RIMKLB: variants seen among roughly 807,000 people sequenced by gnomAD.
RIMKLB encodes the protein beta-citrylglutamate synthase B.
In RIMKLB, 7 loss-of-function variants were observed where a neutral mutation model predicts 32.0. The observed-to-expected ratio is 0.22, with a 90% CI of 0.12 to 0.41. The LOEUF (loss-of-function observed/expected upper bound fraction) is 0.41, where lower values mean the gene tolerates loss of function less well. Among genes scored for constraint, RIMKLB ranks in the 10% least tolerant of loss-of-function variants. The pLI is 1.00. For missense variants in RIMKLB, 289 were observed against 498.7 expected (o/e 0.58, Z 4.00); for synonymous variants, 172 against 185.1 (o/e 0.93, Z 0.57).
At chr12:8,753,003 C>T (rs949262810) in intron 4 of RIMKLB, among the ~76,000 whole-genome samples, 2 of 152,200 alleles carry the variant, frequency 1.3e-5, no homozygotes, top group African/African-American at 4.8e-5. Flanking sequence ...GCCTCGGCCT[C>T]CCCAAGTGTT....
intron 2 of RIMKLB, among the ~76,000 whole-genome samples, chr12:8,744,367 T>G (rs1224937163): frequency 2.6e-5 from 4 of 151,938 alleles, no homozygotes; most frequent in Non-Finnish European, 5.9e-5. Context: ...ACTCCCATTT[T>G]CCGGTGGCAA....
Position 8,719,046 on chromosome 12 carries a change from C to T in RIMKLB, c.175+5005C>T, listed in dbSNP as rs754762722. Among the ~76,000 whole-genome samples the T allele has an allele frequency of 1.2e-4, 19 of 152,192 alleles. No individual in the cohort carries two copies. The South Asian group carries it at 3.7e-3, about 30-fold the overall frequency. ...TGTTCATTCCTTTCTCTTTCTCCCT[C>T]CTGTTCATCCTCCTCCTTCCCTCCC... is the stretch of plus-strand genomic sequence containing the variant. On this transcript the variant is annotated intron_variant, in intron 2 of 5. Transcript: ENST00000535829.
upstream of RIMKLB, among the ~76,000 whole-genome samples, chr12:8,678,620 G>A (rs1380503792): frequency 1.3e-5 from 2 of 152,162 alleles, no homozygotes; most frequent in African/African-American, 2.4e-5. Context: ...GAGCCACTGC[G>A]CCCAGTGGTC....
chr12:8,736,264 ATTTC>A (rs1425436620), intron 2 of RIMKLB, among the ~76,000 whole-genome samples: 1 of 152,108 alleles, frequency 6.6e-6, no homozygotes, highest in African/African-American at 2.4e-5. Context: ...AGGCTGGGTA[ATTTC>A]TTTCTCCAAG....
chr12:8,777,382 G>C, downstream of RIMKLB: 1 of 984,682 alleles, frequency 1.0e-6, no homozygotes, highest in Non-Finnish European at 1.2e-6. Context: ...AATGTTTTTA[G>C]TTTTGTTTTG....
chr12:8,750,923 C>A (rs1303856381), intron 3 of RIMKLB, among the ~76,000 whole-genome samples: 1 of 152,038 alleles, frequency 6.6e-6, no homozygotes, highest in Non-Finnish European at 1.5e-5. Flanking sequence ...AAATAAATAT[C>A]CAGTAGAGTG....
chr12:8,732,905 T>C (rs1393877226), intron 2 of RIMKLB, among the ~76,000 whole-genome samples: 2 of 152,232 alleles, frequency 1.3e-5, no homozygotes, highest in African/African-American at 4.8e-5. Flanking sequence ...CTTCCATTTT[T>C]AGTTGAGGTA....
chr12:8,686,668 G>A (rs1007696480), intron 1 of RIMKLB, among the ~76,000 whole-genome samples: 1 of 151,756 alleles, frequency 6.6e-6, no homozygotes, highest in Non-Finnish European at 1.5e-5. Context: ...ATTTTTAGTA[G>A]AGTCGGGGTT....
Position 8,774,159 on chromosome 12 carries a change from A to G in RIMKLB, c.*375A>G, listed in dbSNP as rs763626182. Reference sequence around the variant, plus strand: ...GTTTTGCTACAAATATCCAAGTAGCATAACTTCACATTGTGTTGGAAGATT... The same window carrying G: ...GTTTTGCTACAAATATCCAAGTAGCGTAACTTCACATTGTGTTGGAAGATT... On this transcript the variant is annotated 3_prime_UTR_variant, in exon 6 of 6. Coordinates refer to ENST00000535829, the MANE Select transcript of RIMKLB (RefSeq NM_001297776.2). The G allele has an allele frequency of 5.0e-6, 5 of 1,003,464 alleles. No homozygotes were observed. Among genetic ancestry groups the G allele is most frequent in the East Asian group, 9.9e-5 (1 of 10,062 alleles). The allele number at this position is 1,003,464 out of a possible 1,614,324, so 62.2% of individuals were successfully genotyped here. A position where few individuals can be genotyped will look rare whatever the true frequency, so the allele number is the denominator to read the frequency against.
upstream of RIMKLB, chr12:8,697,121 C>CT (rs949513836): frequency 2.0e-5 from 3 of 152,198 alleles, no homozygotes; most frequent in Admixed American, 6.5e-5. Context: ...GGACTGTACT[C>CT]TTTTATCTTT....
At position 8,774,779 on chromosome 12, in the gene RIMKLB, C is replaced by A. The variant is rs981706863; in HGVS notation, c.*995C>A. 23 of 985,176 alleles carry A rather than the reference C, an allele frequency of 2.3e-5. No individual in the cohort carries two copies. The South Asian group carries it at 5.6e-4, about 24-fold the overall frequency. 61.0% of individuals were successfully genotyped at this position (985,176 alleles called of 1,614,324 possible). ...GGACAAGGAAAAATATTTTTGGGGG[C>A]AAATCAAGAGCCTATGAGTTCTAAG... is the stretch of plus-strand genomic sequence containing the variant. On this transcript the variant is annotated 3_prime_UTR_variant, in exon 6 of 6. Coordinates refer to ENST00000535829, the MANE Select transcript of RIMKLB (RefSeq NM_001297776.2).
At chr12:8,700,471 A>G (rs1221195406) in intron 1 of RIMKLB, 1 of 152,378 alleles carries the variant, frequency 6.6e-6, no homozygotes, top group Non-Finnish European at 1.5e-5. Context: ...GTTGTTCCAC[A>G]CTTTGGGAAG....
chr12:8,770,416 C>T (rs1026304406), intron 5 of RIMKLB, among the ~76,000 whole-genome samples: 2 of 152,098 alleles, frequency 1.3e-5, no homozygotes, highest in Non-Finnish European at 2.9e-5. Flanking sequence ...GTTTCATGAA[C>T]CCTTATATAG....
chr12:8,698,960 C>CA (rs1943131910), intron 1 of RIMKLB, among the ~76,000 whole-genome samples: 5 of 151,728 alleles, frequency 3.3e-5, no homozygotes, highest in East Asian at 1.9e-4. Flanking sequence ...TCACCCCCCC[C>CA]CAAAAAAAAC....
At chr12:8,777,834 A>G (rs1287657651), downstream of RIMKLB, 1 of 370,692 alleles carries the variant, frequency 2.7e-6, no homozygotes. Flanking sequence ...TCTTTCCATC[A>G]CTAGGCTAAC....
rs1950693618 is a variant in RIMKLB, at chr12:8,775,806, A to G, written c.*2022A>G. The G allele has an allele frequency of 1.0e-6, 1 of 985,260 alleles. No homozygotes were observed. Among genetic ancestry groups the G allele is most frequent in the Middle Eastern group, 5.2e-4 (1 of 1,910 alleles). The allele number at this position is 985,260 out of a possible 1,614,324, so 61.0% of individuals were successfully genotyped here. On this transcript the variant is annotated 3_prime_UTR_variant, in exon 6 of 6. Coordinates refer to ENST00000535829, the MANE Select transcript of RIMKLB (RefSeq NM_001297776.2). Reference sequence around the variant, plus strand: ...TTTCACCTCAGAGAAAAGGATACATAAGAGGAGTTTGTAATTTATCTTAGG... The same window carrying G: ...TTTCACCTCAGAGAAAAGGATACATGAGAGGAGTTTGTAATTTATCTTAGG...
chr12:8,756,398 C>G (rs1162027006), intron 5 of RIMKLB, among the ~76,000 whole-genome samples: 3 of 152,242 alleles, frequency 2.0e-5, no homozygotes, highest in Non-Finnish European at 4.4e-5. Context: ...CAGATTCCTA[C>G]TTATCTCTCT....
chr12:8,711,647 C>T (rs1323960276), intron 1 of RIMKLB, among the ~76,000 whole-genome samples: 1 of 152,040 alleles, frequency 6.6e-6, no homozygotes, highest in Non-Finnish European at 1.5e-5. Flanking sequence ...TTAGGTATAT[C>T]TCCCAATGCT....
chr12:8,707,780 A>G lies in RIMKLB; in HGVS notation c.-56-6031A>G, dbSNP rs148682337. ...CTTATGATTTTAGGAGTTGTATGCCAGGAAACAGGGTTGAAGACCAAGTAT... is the reference window on the plus strand; with the variant it reads ...CTTATGATTTTAGGAGTTGTATGCCGGGAAACAGGGTTGAAGACCAAGTAT... On this transcript the variant is annotated intron_variant, in intron 1 of 5. Coordinates refer to ENST00000535829, the MANE Select transcript of RIMKLB (RefSeq NM_001297776.2). 2.0e-3 allele frequency among the ~76,000 whole-genome samples: 310 copies of G among 152,346 alleles called. 1 individual carries two copies. The highest frequency in any genetic ancestry group is 7.0e-3 in the African/African-American group (293 of 41,574).
Sources: allele counts gnomAD v4.1 joint callset (sites outside exome capture counted in the v4.1 genomes callset), GRCh38; gene constraint gnomAD v4.1.1; transcripts MANE v1.5; gene names NCBI Gene and HGNC (gene_info 2026-07-23, HGNC 2026-07-21).